The following MRPL28 variants were observed in gnomAD, a reference collection of about 807,000 sequenced individuals.
MRPL28 encodes large ribosomal subunit protein bL28m.
MRPL28 carries 25 observed loss-of-function variants against 26.2 expected under a neutral mutation model. The observed-to-expected ratio is 0.95, with a 90% CI of 0.69 to 1.33. MRPL28 has a LOEUF of 1.33. MRPL28 is among the 40% of genes most tolerant of loss of function. MRPL28 has a pLI of 0.00. For missense variants in MRPL28, 432 were observed against 327.2 expected (o/e 1.32, Z -2.47); for synonymous variants, 227 against 140.1 (o/e 1.62, Z -4.38).
In MRPL28 at chr16:367,075, G is replaced by C. The variant is rs369265862; in HGVS notation, c.*600C>G. 9.2e-4 allele frequency among the ~76,000 whole-genome samples: 140 copies of C among 152,238 alleles called. 4 individuals carry two copies. The South Asian group carries it at 0.023, about 25-fold the overall frequency. On this transcript the variant is annotated 3_prime_UTR_variant, in exon 6 of 6. Transcript: ENST00000199706. ...TACAATTAGCCATACATGATAGCGGGGTGCCTGTAATCCCAGCTACTCAGG... is the reference window on the plus strand; with the variant it reads ...TACAATTAGCCATACATGATAGCGGCGTGCCTGTAATCCCAGCTACTCAGG...
In MRPL28 at chr16:370,504, A is replaced by C. The variant is rs1597154574; in HGVS notation, c.-13T>G. ...CCCCACCTGCCCGCGCCCACCTTTCAGGGTTCAGAGCCCACCGGAACCGGA... is the reference window on the plus strand; with the variant it reads ...CCCCACCTGCCCGCGCCCACCTTTCCGGGTTCAGAGCCCACCGGAACCGGA... On this transcript the variant is annotated 5_prime_UTR_variant, in exon 1 of 6. Transcript: ENST00000199706. The C allele has an allele frequency of 1.1e-6, 1 of 883,478 alleles. No homozygotes were observed. The highest frequency in any genetic ancestry group is 1.3e-6 in the Non-Finnish European group (1 of 789,664). 54.7% of individuals were successfully genotyped at this position (883,478 alleles called of 1,614,324 possible).
chr16:368,845 G>A, intron 3 of MRPL28: 1 of 985,322 alleles, frequency 1.0e-6, no homozygotes, highest in Non-Finnish European at 1.4e-6. Context: ...TGCTCGCTCA[G>A]GCCCCACGGG....
In MRPL28 at chr16:370,060, G is replaced by C. The variant is rs142841857; in HGVS notation, c.159C>G (p.Asn53Lys). 3.7e-5 allele frequency: 59 copies of C among 1,612,958 alleles called. No individual in the cohort carries two copies. In the African/African-American group the frequency reaches 7.5e-4, roughly 20 times the overall value. The change falls in exon 2 of 6, where the codon AAC (asparagine) becomes AAG (lysine). Residue 53 changes from asparagine to lysine, a missense_variant. Coordinates refer to ENST00000199706, the MANE Select transcript of MRPL28 (RefSeq NM_006428.5). ...YRPHGAKFKI[N>K]PKNGQRERVE... is the part of the protein sequence containing the mutation. ...CACGCTCCCGCTGCCCGTTCTTGGG[G>C]TTGATCTTGAACTTGGCCCCATGAG...
intron 2 of MRPL28, chr16:369,432 C>G: frequency 1.6e-6 from 1 of 638,516 alleles, no homozygotes; most frequent in South Asian, 1.9e-5. Context: ...TCAGCTGCTC[C>G]CCAACAAGCT....
chr16:369,820 G>T, intron 2 of MRPL28, 111 bp downstream of exon 2: 1 of 1,353,222 alleles, frequency 7.4e-7, no homozygotes, highest in Non-Finnish European at 1.0e-6. Context: ...TCGCCTCCAG[G>T]CTGTAATCCC....
Position 369,078 on chromosome 16 carries a change from T to A in MRPL28, c.431A>T (p.Tyr144Phe). ...LIDEAYGLDF[Y>F]ILKTPKEDLC... Reference sequence around the variant, plus strand: ...CCCCACCCCGCTTGCCTTGAGGATGTAAAAGTCGAGCCCATAAGCCTCATC... The same window carrying A: ...CCCCACCCCGCTTGCCTTGAGGATGAAAAAGTCGAGCCCATAAGCCTCATC... Residue 144 changes from tyrosine (Y) to phenylalanine (F), a missense_variant, in exon 3 of 6, where the codon TAC (tyrosine) becomes TTC (phenylalanine). By Grantham distance (22) the Tyr-to-Phe change is conservative. Coordinates refer to ENST00000199706, the MANE Select transcript of MRPL28 (RefSeq NM_006428.5). 1.2e-6 allele frequency: 2 copies of A among 1,613,636 alleles called. No individual in the cohort carries two copies. The highest frequency in any genetic ancestry group is 2.2e-5 in the South Asian group (2 of 91,080).
At chr16:367,895 G>T in intron 5 of MRPL28, 113 bp from the exon 6 acceptor site, 1 of 843,142 alleles carries the variant, frequency 1.2e-6, no homozygotes, top group Non-Finnish European at 1.9e-6. Context: ...GAGAGGCCCT[G>T]GAGGGCAGAG....
chr16:367,881 G>A, intron 5 of MRPL28, 99 bp from the exon 6 acceptor site: 8 of 998,186 alleles, frequency 8.0e-6, no homozygotes, highest in South Asian at 1.5e-5. Context: ...AGGAACCGGG[G>A]CATGAGAGGC....
At chr16:369,349 T>C in intron 2 of MRPL28, 129 bp from the exon 3 acceptor site, 2 of 1,232,930 alleles carry the variant, frequency 1.6e-6, no homozygotes, top group Non-Finnish European at 2.3e-6. Context: ...ACTGGGGACC[T>C]AGAGCTAACT....
chr16:367,106 G>A lies in MRPL28; in HGVS notation c.*569C>T, dbSNP rs1173729228. Among the ~76,000 whole-genome samples, 1 of 152,184 alleles carries A rather than the reference G, an allele frequency of 6.6e-6. No homozygotes were observed. The highest frequency in any genetic ancestry group is 1.9e-4 in the East Asian group (1 of 5,192). On this transcript the variant is annotated 3_prime_UTR_variant, in exon 6 of 6. Transcript: ENST00000199706. Reference sequence around the variant, plus strand: ...TGTAATCCCAGCTACTCAGGAGGCTGAGACAGGACAATCACTTGAACTCTG... The same window carrying A: ...TGTAATCCCAGCTACTCAGGAGGCTAAGACAGGACAATCACTTGAACTCTG...
chr16:368,487 A>T lies in MRPL28; in HGVS notation c.576+14T>A, dbSNP rs750249551. The T allele has an allele frequency of 5.6e-6, 9 of 1,608,714 alleles. No homozygotes were observed. The highest frequency in any genetic ancestry group is 7.6e-6 in the Non-Finnish European group (9 of 1,176,782). ...CGAGTCCCCAGGTGTAGGGAGCGGG[A>T]CGGAAACCCTCACCTTGTACTTGTC... On this transcript the variant is annotated intron_variant, in intron 4 of 5. Coordinates refer to ENST00000199706, the MANE Select transcript of MRPL28 (RefSeq NM_006428.5).
chr16:367,734 G>C lies in MRPL28; in HGVS notation c.712C>G (p.Leu238Val). Residue 238 changes from leucine (L) to valine (V), a missense_variant, in exon 6 of 6, where the codon CTG becomes GTG. Leu to Val is a conservative substitution (Grantham distance 32, BLOSUM62 1). Transcript: ENST00000199706. ...GGCTCTGACAGTGCCTGCTGCTGCAGCTGCTGGATCAGCTCCGCCACATAG... is the reference window on the plus strand; with the variant it reads ...GGCTCTGACAGTGCCTGCTGCTGCACCTGCTGGATCAGCTCCGCCACATAG... The part of the protein sequence containing the change: ...KIYVAELIQQ[L>V]QQQALSEPAV... 1 of 1,613,882 alleles carries C rather than the reference G, an allele frequency of 6.2e-7. No homozygotes were observed. The highest frequency in any genetic ancestry group is 2.2e-5 in the East Asian group (1 of 44,880).
At position 370,182 on chromosome 16, in the gene MRPL28, G is replaced by T; in HGVS notation, c.37C>A (p.Arg13=). Residue 13 remains arginine (R), a synonymous_variant, in exon 2 of 6, where the codon CGG becomes AGG. Coordinates refer to ENST00000199706, the MANE Select transcript of MRPL28 (RefSeq NM_006428.5). ...CAGATGCCCTCCCGCAGCTGCAGCC[G>T]CTTCCAGAGCCACACGGGATACTTG... The part of the protein sequence containing the change: ...LHKYPVWLWK[R]LQLREGICSR... 1.3e-6 allele frequency: 2 copies of T among 1,598,066 alleles called. No homozygotes were observed. The highest frequency in any genetic ancestry group is 1.7e-5 in the Admixed American group (1 of 59,070).
At chr16:368,844 A>G (rs2054287106) in intron 3 of MRPL28, 2 of 994,752 alleles carry the variant, frequency 2.0e-6, no homozygotes, top group Non-Finnish European at 2.9e-6. Flanking sequence ...GTGCTCGCTC[A>G]GGCCCCACGG....
rs763294064 is a variant in MRPL28, at chr16:369,185, C to T, written c.324G>A (p.Gln108=). ...SKRLKKVWKP[Q]LFEREFYSEI... is the part of the protein sequence containing the mutation. ...CACTGTAGAACTCTCGCTCAAACAGCTGTGGCTTCCACACTTTCTTCAGCC... is the reference window on the plus strand; with the variant it reads ...CACTGTAGAACTCTCGCTCAAACAGTTGTGGCTTCCACACTTTCTTCAGCC... The change falls in exon 3 of 6, where the codon CAG becomes CAA. Residue 108 remains glutamine (Q), a synonymous_variant. Transcript: ENST00000199706. The T allele has an allele frequency of 2.5e-6, 4 of 1,614,038 alleles. No individual in the cohort carries two copies. Among genetic ancestry groups the T allele is most frequent in the Non-Finnish European group, 3.4e-6 (4 of 1,179,944 alleles).
rs773597696 is a variant in MRPL28 at position 370,143 on chromosome 16, CG to C, written c.75del (p.Gly26AlafsTer76). 2.5e-6 allele frequency: 4 copies of C among 1,602,426 alleles called. No individual in the cohort carries two copies. Among genetic ancestry groups the C allele is most frequent in the Non-Finnish European group, 3.4e-6 (4 of 1,176,236 alleles). On this transcript the variant is annotated frameshift_variant, in exon 2 of 6. Coordinates refer to ENST00000199706, the MANE Select transcript of MRPL28 (RefSeq NM_006428.5). LOFTEE classifies it high-confidence loss of function. ...TCCTCCAGGGAGCGCAGGTAGTGGC[CG>C]GGCAGGCGGGAACAGATGCCCTCCC... ...QLREGICSRLPGHYLRSLEEE... is the reference protein window; with the variant it reads ...QLREGICSRLXGHYLRSLEEE...
At chr16:369,710 G>A in intron 2 of MRPL28, 1 of 716,122 alleles carries the variant, frequency 1.4e-6, no homozygotes, top group Admixed American at 2.1e-5. Context: ...GCCTCTGGTT[G>A]CTCCCCCGGC....
rs1194842415 is a variant in MRPL28, at chr16:367,417, C to T, written c.*258G>A. The T allele has an allele frequency of 2.8e-6, 2 of 712,806 alleles. No individual in the cohort carries two copies. Among genetic ancestry groups the T allele is most frequent in the South Asian group, 1.5e-5 (1 of 67,366 alleles). 44.2% of individuals were successfully genotyped at this position (712,806 alleles called of 1,614,324 possible). A position where few individuals can be genotyped will look rare whatever the true frequency, so the allele number is the denominator to read the frequency against. On this transcript the variant is annotated 3_prime_UTR_variant, in exon 6 of 6. Coordinates refer to ENST00000199706, the MANE Select transcript of MRPL28 (RefSeq NM_006428.5). Reference sequence around the variant, plus strand: ...CACAGCCTGGCCCAGACTTTACTCGCTCCCGGCCCCACGGGCACAAGGAAC... The same window carrying T: ...CACAGCCTGGCCCAGACTTTACTCGTTCCCGGCCCCACGGGCACAAGGAAC...
chr16:368,845 G>T, intron 3 of MRPL28: 1 of 985,320 alleles, frequency 1.0e-6, no homozygotes, highest in Non-Finnish European at 1.4e-6. Flanking sequence ...TGCTCGCTCA[G>T]GCCCCACGGG....
Sources: gnomAD v4.1 joint callset for allele counts (sites outside exome capture counted in the v4.1 genomes callset) on GRCh38, gnomAD v4.1.1 for gene constraint, MANE v1.5 for transcripts, NCBI Gene and HGNC (gene_info 2026-07-23, HGNC 2026-07-21) for gene names.